The following ZNF133 variants were observed in gnomAD, a reference collection of about 807,000 sequenced individuals.
ZNF133 encodes zinc finger protein 133 (clone pHZ-13).
Under a neutral mutation model 54.9 loss-of-function variants are expected in ZNF133, and 26 were observed. The ratio of observed to expected loss-of-function variants is 0.47; its 90% CI spans 0.35 to 0.66. ZNF133 has a LOEUF of 0.66. Among genes scored for constraint, ZNF133 ranks in the 30% least tolerant of loss-of-function variants. The pLI is 0.01. For missense variants in ZNF133, 653 were observed against 820.8 expected (o/e 0.80, Z 2.50); for synonymous variants, 298 against 320.3 (o/e 0.93, Z 0.74).
At chr20:18,314,895 T>G (rs142158527) in intron 6 of ZNF133, 174 bp from the exon 7 acceptor site, 131 of 567,034 alleles carry the variant, frequency 2.3e-4, no homozygotes, top group African/African-American at 1.9e-3. Context: ...TTTTCTAGAT[T>G]GTAATGCTAG....
chr20:18,294,744 A>G (rs2041881897), intron 1 of ZNF133, among the ~76,000 whole-genome samples: 1 of 152,326 alleles, frequency 6.6e-6, no homozygotes, highest in Non-Finnish European at 1.5e-5. Context: ...TTCTCCTTAC[A>G]TCTATTATTG....
In ZNF133 at chr20:18,306,243, T is replaced by G. The variant is rs1352540258; in HGVS notation, c.122-55T>G. On this transcript the variant is annotated intron_variant, in intron 5 of 6. Coordinates refer to ENST00000425686, the MANE Select transcript of ZNF133 (RefSeq NM_001352452.2). ...CCTAGGCTGTTTAGCTTTGAATTCTTGAATGGGCTCTTGAGCCCATAACCT... is the reference window on the plus strand; with the variant it reads ...CCTAGGCTGTTTAGCTTTGAATTCTGGAATGGGCTCTTGAGCCCATAACCT... The G allele has an allele frequency of 2.6e-6, 4 of 1,522,058 alleles. No homozygotes were observed. In the Admixed American group the frequency reaches 7.6e-5, roughly 29 times the overall value. 94.3% of individuals were successfully genotyped at this position (1,522,058 alleles called of 1,614,324 possible). A position where few individuals can be genotyped will look rare whatever the true frequency, so the allele number is the denominator to read the frequency against.
At chr20:18,292,318 A>T (rs1207871843) in intron 1 of ZNF133, among the ~76,000 whole-genome samples, 2 of 152,228 alleles carry the variant, frequency 1.3e-5, no homozygotes, top group South Asian at 4.1e-4. Context: ...CAAAACCAGT[A>T]TCCTACAAAG....
At position 18,315,958 on chromosome 20, in the gene ZNF133, C is replaced by T. The variant is rs566035736; in HGVS notation, c.1107C>T (p.Leu369=). 1.2e-5 allele frequency: 19 copies of T among 1,613,722 alleles called. No individual in the cohort carries two copies. In the South Asian group the frequency reaches 1.4e-4, roughly 12 times the overall value. Residue 369 remains leucine, a synonymous_variant, in exon 7 of 7, where the codon CTC becomes CTT. Transcript: ENST00000425686. ...TGGGCTTCAGCGACAGGTCAAACCT[C>T]ATCTCCCACCAGAGGACGCACTCTG... ...CGLGFSDRSN[L]ISHQRTHSGE... is the part of the protein sequence containing the mutation.
At position 18,316,637 on chromosome 20, in the gene ZNF133, C is replaced by T. The variant is rs764010380; in HGVS notation, c.1786C>T (p.His596Tyr). The change falls in exon 7 of 7, where the codon CAT (histidine) becomes TAT (tyrosine). Residue 596 changes from histidine to tyrosine, a missense_variant. His to Tyr is a moderately conservative substitution (Grantham distance 83). Transcript: ENST00000425686. ...GFLQKSHLTL[H>Y]QMTHTGEKPY... is the part of the protein sequence containing the mutation. Reference sequence around the variant, plus strand: ...TCTCCAAAAGTCACACCTCACCTTACATCAAATGACACATACGGGGGAGAA... The same window carrying T: ...TCTCCAAAAGTCACACCTCACCTTATATCAAATGACACATACGGGGGAGAA... 1.2e-6 allele frequency: 2 copies of T among 1,614,138 alleles called. No individual in the cohort carries two copies. Among genetic ancestry groups the T allele is most frequent in the African/African-American group, 1.3e-5 (1 of 75,038 alleles).
intron 6 of ZNF133, chr20:18,314,529 G>A (rs958813988): frequency 1.3e-5 from 2 of 152,284 alleles, no homozygotes; most frequent in Non-Finnish European, 2.9e-5. Flanking sequence ...TCTTTGTTGA[G>A]TGGGGAGACA....
chr20:18,305,803 A>T lies in ZNF133; in HGVS notation c.117A>T (p.Ser39=). The stretch of plus-strand genomic sequence containing the variant: ...TGGAGAACTACAGCAACCTGGTCTC[A>T]CTGGGTAAGCCTGATATCTGTTAGG... The part of the protein sequence containing the change: ...VMLENYSNLV[S]LGISFSKPEL... The change falls in exon 5 of 7, where the codon TCA becomes TCT. Residue 39 remains serine, a synonymous_variant. Transcript: ENST00000425686. This position sits in a 1 kb window ranked among gnomAD's most constrained non-coding sequence, Gnocchi z 4.7. 1.2e-6 allele frequency: 2 copies of T among 1,613,004 alleles called. No individual in the cohort carries two copies. The highest frequency in any genetic ancestry group is 1.7e-6 in the Non-Finnish European group (2 of 1,179,424).
chr20:18,310,335 A>G (rs7274963), intron 6 of ZNF133: 302,047 of 1,523,290 alleles, frequency 0.2, 32,620 homozygotes, highest in African/African-American at 0.4. Flanking sequence ...CGGTTTCATT[A>G]TTCTATATTT....
chr20:18,298,172 C>T, intron 2 of ZNF133, 110 bp downstream of exon 2: 1 of 1,464,790 alleles, frequency 6.8e-7, no homozygotes, highest in Non-Finnish European at 9.1e-7. Flanking sequence ...ATTCCTCTTA[C>T]TTGCTCCCCT....
intron 5 of ZNF133, 48 bp from the exon 6 acceptor site, chr20:18,306,250 G>C (rs372835157): frequency 1.3e-6 from 2 of 1,555,614 alleles, no homozygotes; most frequent in African/African-American, 1.4e-5. Context: ...TCTTGAATGG[G>C]CTCTTGAGCC....
rs1206997854 is a variant in ZNF133 at position 18,315,136 on chromosome 20, C to T, written c.285C>T (p.Pro95=). 1.9e-6 allele frequency: 3 copies of T among 1,589,190 alleles called. No individual in the cohort carries two copies. Among genetic ancestry groups the T allele is most frequent in the Middle Eastern group, 1.7e-4 (1 of 5,932 alleles). The part of the protein sequence containing the change: ...CPPGFSSQKF[P]MQHVLCNHPP... Reference sequence around the variant, plus strand: ...CGGGTTTCTCCAGTCAGAAATTCCCCATGCAGCATGTGCTGTGTAATCATC... The same window carrying T: ...CGGGTTTCTCCAGTCAGAAATTCCCTATGCAGCATGTGCTGTGTAATCATC... Residue 95 remains proline (P), a synonymous_variant, in exon 7 of 7, where the codon CCC becomes CCT. Coordinates refer to ENST00000425686, the MANE Select transcript of ZNF133 (RefSeq NM_001352452.2).
At chr20:18,307,052 C>CA (rs2044790084) in intron 6 of ZNF133, among the ~76,000 whole-genome samples, 3 of 129,906 alleles carry the variant, frequency 2.3e-5, no homozygotes, top group Admixed American at 2.2e-4. Flanking sequence ...CAGTTCCAAT[C>CA]ACCCCCCCTC....
In ZNF133 at chr20:18,316,593, G is replaced by A. The variant is rs546838306; in HGVS notation, c.1742G>A (p.Arg581Lys). The A allele has an allele frequency of 5.6e-6, 9 of 1,614,046 alleles. No individual in the cohort carries two copies. Among genetic ancestry groups the A allele is most frequent in the Admixed American group, 3.3e-5 (2 of 60,018 alleles). ...TCGGAAGAGAAGCCTTGTGTGTGCA[G>A]AGAGTGTGGCCAAGGCTTTCTCCAA... ...AHSEEKPCVC[R>K]ECGQGFLQKS... Residue 581 changes from arginine (R) to lysine (K), a missense_variant, in exon 7 of 7, where the codon AGA becomes AAA. Around this residue, in one of 4 missense-constraint regions of ZNF133, gnomAD observed 129 missense variants for 138.5 expected, o/e 0.93. Coordinates refer to ENST00000425686, the MANE Select transcript of ZNF133 (RefSeq NM_001352452.2).
intron 6 of ZNF133, among the ~76,000 whole-genome samples, chr20:18,307,398 T>TCTA (rs942289030): frequency 6.6e-6 from 1 of 152,234 alleles, no homozygotes; most frequent in African/African-American, 2.4e-5. Flanking sequence ...GATGTAGAAT[T>TCTA]CTACATTGGT....
intron 6 of ZNF133, among the ~76,000 whole-genome samples, chr20:18,310,796 T>C (rs899800732): frequency 2.0e-5 from 3 of 152,230 alleles, no homozygotes; most frequent in Admixed American, 6.5e-5. Context: ...TGTGAGGTGA[T>C]GCAATATGTT....
At chr20:18,291,852 C>T (rs543259051) in intron 1 of ZNF133, among the ~76,000 whole-genome samples, 2 of 152,218 alleles carry the variant, frequency 1.3e-5, no homozygotes, top group African/African-American at 4.8e-5. Flanking sequence ...ATCTGGTCTA[C>T]AGGTGTGTGC....
chr20:18,298,623 A>T (rs980371491), intron 3 of ZNF133, among the ~76,000 whole-genome samples, 159 bp downstream of exon 3: 2 of 152,162 alleles, frequency 1.3e-5, no homozygotes, highest in African/African-American at 4.8e-5. Context: ...CCAAATATTG[A>T]GGATCTGTGT....
At chr20:18,291,593 G>A (rs552408096) in intron 1 of ZNF133, among the ~76,000 whole-genome samples, 32 of 152,044 alleles carry the variant, frequency 2.1e-4, no homozygotes, top group African/African-American at 7.7e-4. Context: ...TGTCTCCTTG[G>A]TTCTCCCGTT....
chr20:18,303,397 C>T lies in ZNF133; in HGVS notation c.-177-1611C>T, dbSNP rs962086086. Among the ~76,000 whole-genome samples the T allele has an allele frequency of 3.9e-5, 6 of 152,142 alleles. No individual in the cohort carries two copies. The East Asian group carries it at 5.8e-4, about 15-fold the overall frequency. On this transcript the variant is annotated intron_variant, in intron 3 of 6. Transcript: ENST00000425686. ...TACTACTCAAACCAATCTACAGAGT[C>T]AATGTAATCCCTATAAAAATAACAA...
Sources: allele counts gnomAD v4.1 joint callset (sites outside exome capture counted in the v4.1 genomes callset), GRCh38; gene constraint gnomAD v4.1.1; regional missense constraint gnomAD v4.1.1; non-coding constraint Gnocchi (gnomAD v3.1); transcripts MANE v1.5; gene names NCBI Gene and HGNC (gene_info 2026-07-23, HGNC 2026-07-21).